Variants in CNBD1 observed in about 807,000 individuals in gnomAD.
CNBD1 encodes cyclic nucleotide-binding domain-containing protein 1.
In CNBD1, 71 loss-of-function variants were observed where a neutral mutation model predicts 54.4. The observed-to-expected ratio is 1.30, with a 90% CI of 1.08 to 1.59. The LOEUF (loss-of-function observed/expected upper bound fraction) is 1.59. Among genes scored for constraint, CNBD1 ranks in the 40% most tolerant of loss-of-function variants. The pLI is 0.00. For synonymous variants in CNBD1, 182 were observed against 170.7 expected, an observed-to-expected ratio of 1.07 and a Z score of -0.51; for missense variants, 659 against 518.0, an observed-to-expected ratio of 1.27 and a Z score of -2.64.
chr8:86,879,970 A>T (rs1808580872), intron 1 of CNBD1, among the ~76,000 whole-genome samples: 1 of 152,228 alleles, frequency 6.6e-6, no homozygotes, highest in Non-Finnish European at 1.5e-5. Context: ...AATTATAAAA[A>T]GAATGTATTA....
At chr8:87,127,518 A>G (rs895224637) in intron 4 of CNBD1, among the ~76,000 whole-genome samples, 1 of 152,164 alleles carries the variant, frequency 6.6e-6, no homozygotes, top group South Asian at 2.1e-4. Flanking sequence ...CTACAACCTT[A>G]CCAAAATCAC....
intron 4 of CNBD1, among the ~76,000 whole-genome samples, chr8:87,015,977 CAAAAAAAAAAAA>C (rs58453987): frequency 2.0e-4 from 11 of 55,968 alleles, no homozygotes; most frequent in Non-Finnish European, 2.9e-4. Context: ...GAATCCGTCT[CAAAAAAAAAAAA>C]AAAAAAAAAA....
At chr8:87,100,321 A>G (rs1241614244) in intron 4 of CNBD1, among the ~76,000 whole-genome samples, 2 of 152,204 alleles carry the variant, frequency 1.3e-5, no homozygotes, top group African/African-American at 4.8e-5. Context: ...AAAATATTTG[A>G]CGAAACTGAA....
At chr8:86,938,202 T>C (rs1809585332) in intron 3 of CNBD1, among the ~76,000 whole-genome samples, 2 of 152,188 alleles carry the variant, frequency 1.3e-5, no homozygotes, top group Non-Finnish European at 2.9e-5. Context: ...AAGTTCCTCA[T>C]CTCCATCTGA....
chr8:87,381,069 G>A (rs1811063021), intron 10 of CNBD1, among the ~76,000 whole-genome samples: 2 of 151,996 alleles, frequency 1.3e-5, no homozygotes, highest in African/African-American at 4.8e-5. Context: ...CGTTTGCACA[G>A]CAAAGGAACC....
intron 2 of CNBD1, among the ~76,000 whole-genome samples, chr8:87,393,665 C>A (rs13275312): frequency 0.28 from 42,641 of 151,652 alleles, 6,696 homozygotes; most frequent in Middle Eastern, 0.41. Flanking sequence ...GTAGTATGTG[C>A]AATAGACTAG....
intron 4 of CNBD1, among the ~76,000 whole-genome samples, chr8:87,074,472 G>A (rs1448042846): frequency 6.6e-6 from 1 of 152,186 alleles, no homozygotes; most frequent in Admixed American, 6.5e-5. Flanking sequence ...TGGGGCTGGA[G>A]TATGTAAAAC....
At chr8:87,241,427 C>T (rs1158259996) in intron 6 of CNBD1, among the ~76,000 whole-genome samples, 4 of 151,942 alleles carry the variant, frequency 2.6e-5, no homozygotes, top group African/African-American at 4.8e-5. Flanking sequence ...CCTGCCACCA[C>T]GCCTGGCTAA....
chr8:87,294,179 G>A (rs1356107189), intron 8 of CNBD1, among the ~76,000 whole-genome samples: 1 of 152,086 alleles, frequency 6.6e-6, no homozygotes, highest in East Asian at 1.9e-4. Context: ...GAGATGAGAG[G>A]CAATGGAGAT....
intron 4 of CNBD1, among the ~76,000 whole-genome samples, chr8:87,117,981 A>T: frequency 6.6e-6 from 1 of 152,098 alleles, no homozygotes; most frequent in East Asian, 1.9e-4. Flanking sequence ...ACAATAATAA[A>T]CCATAAAATA....
intron 4 of CNBD1, among the ~76,000 whole-genome samples, chr8:87,150,777 CCAAA>C (rs1217833423): frequency 6.6e-6 from 1 of 152,044 alleles, no homozygotes; most frequent in Non-Finnish European, 1.5e-5. Context: ...GCCCCTACTC[CCAAA>C]CAGAGACTAG....
intron 4 of CNBD1, among the ~76,000 whole-genome samples, chr8:87,072,274 T>C (rs1009477733): frequency 6.6e-6 from 1 of 152,166 alleles, no homozygotes; most frequent in African/African-American, 2.4e-5. Flanking sequence ...CTTGCCATTA[T>C]GTGTCTTTTA....
At position 87,378,653 on chromosome 8, in the gene CNBD1, A is replaced by G. The variant is rs577370354; in HGVS notation, c.1304-3967A>G. On this transcript the variant is annotated intron_variant, in intron 10 of 10. Transcript: ENST00000518476. The stretch of plus-strand genomic sequence containing the variant: ...GCTCTGCAGGCTCTTTTTTGGTTCC[A>G]TATGAACTTTAAAGTAGTTTTTTCC... 2.7e-5 allele frequency among the ~76,000 whole-genome samples: 4 copies of G among 149,876 alleles called. No homozygotes were observed. In the South Asian group the frequency reaches 6.3e-4, roughly 23 times the overall value.
chr8:86,954,491 C>A (rs549027835), intron 4 of CNBD1, among the ~76,000 whole-genome samples: 1 of 152,192 alleles, frequency 6.6e-6, no homozygotes, highest in Non-Finnish European at 1.5e-5. Context: ...TTTTACAAAC[C>A]TTGCATAACT....
At chr8:87,281,476 T>C (rs1421184960) in intron 6 of CNBD1, among the ~76,000 whole-genome samples, 1 of 148,050 alleles carries the variant, frequency 6.8e-6, no homozygotes, top group Non-Finnish European at 1.5e-5. Context: ...TGTTCATTTT[T>C]TAAAAAACGA....
intron 6 of CNBD1, among the ~76,000 whole-genome samples, chr8:87,258,798 T>C (rs1373167691): frequency 6.6e-6 from 1 of 152,194 alleles, no homozygotes; most frequent in Non-Finnish European, 1.5e-5. Flanking sequence ...AGAGAAAACT[T>C]GTGCTTTAAG....
At chr8:87,268,633 G>A (rs1387775772) in intron 6 of CNBD1, among the ~76,000 whole-genome samples, 1 of 152,026 alleles carries the variant, frequency 6.6e-6, no homozygotes, top group Non-Finnish European at 1.5e-5. Context: ...ATTTTGACTG[G>A]TGTGAGATGG....
At chr8:87,197,637 G>C (rs1233420051) in intron 4 of CNBD1, among the ~76,000 whole-genome samples, 1 of 152,006 alleles carries the variant, frequency 6.6e-6, no homozygotes, top group East Asian at 1.9e-4. Context: ...TCAGAAGGAA[G>C]GTGAAAAATA....
intron 2 of CNBD1, among the ~76,000 whole-genome samples, chr8:87,404,146 A>G (rs989632633): frequency 6.6e-6 from 1 of 152,030 alleles, no homozygotes; most frequent in African/African-American, 2.4e-5. Flanking sequence ...GGAGAAACTC[A>G]GATGGAAGTT....
Sources: allele counts gnomAD v4.1 joint callset (sites outside exome capture counted in the v4.1 genomes callset), GRCh38; gene constraint gnomAD v4.1.1; transcripts MANE v1.5; gene names NCBI Gene and HGNC (gene_info 2026-07-23, HGNC 2026-07-21).